The following BRCA1 variants were observed in gnomAD, a reference collection of about 807,000 sequenced individuals.
BRCA1 encodes breast cancer type 1 susceptibility protein.
In BRCA1, 140 loss-of-function variants were observed where a neutral mutation model predicts 173.7. The observed-to-expected ratio is 0.81, with a 90% CI of 0.70 to 0.93. The LOEUF is 0.93. Ranked by LOEUF, BRCA1 falls within the 40% of genes least tolerant of loss-of-function variation. BRCA1 has a pLI of 0.00. For missense variants in BRCA1, 1,983 were observed against 2,172.5 expected, an observed-to-expected ratio of 0.91 and a Z score of 1.73; for synonymous variants, 662 against 756.0, an observed-to-expected ratio of 0.88 and a Z score of 2.04.
At chr17:43,047,509 G>T (rs1429188585) in intron 22 of BRCA1, 134 bp downstream of exon 22, 24 of 915,548 alleles carry the variant, frequency 2.6e-5, no homozygotes, top group Middle Eastern at 2.1e-4. Context: ...ACATCAAAAA[G>T]ACATTTTAGC....
At chr17:43,051,797 C>T (rs1482663500) in intron 19 of BRCA1, among the ~76,000 whole-genome samples, 4 of 152,000 alleles carry the variant, frequency 2.6e-5, no homozygotes, top group Admixed American at 6.6e-5. Context: ...CCACCACGCC[C>T]GGCTAATTTT....
intron 12 of BRCA1, chr17:43,079,826 A>C (rs1168700621): frequency 3.2e-5 from 23 of 717,860 alleles, no homozygotes; most frequent in Non-Finnish European, 1.5e-5. Flanking sequence ...TGTAAAAAAA[A>C]AGAAAAGTCA....
intron 17 of BRCA1, 139 bp from the exon 18 acceptor site, chr17:43,063,512 T>G: frequency 1.4e-6 from 1 of 738,682 alleles, no homozygotes; most frequent in Non-Finnish European, 2.4e-6. Flanking sequence ...GCCACAGCCC[T>G]TTAATAAGGC....
At position 43,093,119 on chromosome 17, in the gene BRCA1, C is replaced by T. The variant is rs55746541; in HGVS notation, c.2412G>A (p.Gln804=). ...CCTTGGGGTTTTCAAATGCTGCACA[C>T]TGACTCACACATTTATTTGGTTCTG... ...AKTEPNKCVS[Q]CAAFENPKGL... Residue 804 remains glutamine, a synonymous_variant, in exon 10 of 23, where the codon CAG becomes CAA. Transcript: ENST00000357654. 2 of 1,613,604 alleles carry T rather than the reference C, an allele frequency of 1.2e-6. No homozygotes were observed. Among genetic ancestry groups the T allele is most frequent in the Non-Finnish European group, 1.7e-6 (2 of 1,179,908 alleles).
At position 43,091,631 on chromosome 17, in the gene BRCA1, G is replaced by A. The variant is rs730881454; in HGVS notation, c.3900C>T (p.Cys1300=). 3 of 1,614,052 alleles carry A rather than the reference G, an allele frequency of 1.9e-6. No homozygotes were observed. The highest frequency in any genetic ancestry group is 2.5e-6 in the Non-Finnish European group (3 of 1,180,032). ...TTGCAGTCAAGTCTTCCAATTCACT[G>A]CACTGTGAAGAAAACAAGCTAGCAG... ...KCSASLFSSQ[C]SELEDLTANT... Residue 1300 remains cysteine (C), a synonymous_variant, in exon 10 of 23, where the codon TGC becomes TGT. Coordinates refer to ENST00000357654, the MANE Select transcript of BRCA1 (RefSeq NM_007294.4).
intron 1 of BRCA1, chr17:43,144,169 G>A: frequency 4.5e-6 from 1 of 224,570 alleles, no homozygotes; most frequent in South Asian, 4.4e-5. Flanking sequence ...GTTGCAGTGA[G>A]CCGAGATTGC....
chr17:43,167,335 A>G (rs1485555272), intron 1 of BRCA1: 1 of 152,208 alleles, frequency 6.6e-6, no homozygotes, highest in Non-Finnish European at 1.5e-5. Flanking sequence ...CGGTCTCAAG[A>G]GCCAAGCTCC....
At chr17:43,139,890 C>T (rs758026669) in intron 1 of BRCA1, 1 of 473,948 alleles carries the variant, frequency 2.1e-6, no homozygotes, top group Non-Finnish European at 4.4e-6. Flanking sequence ...TTTATGATTG[C>T]ACATCTTTTG....
chr17:43,127,211 C>T (rs983083781), upstream of BRCA1, among the ~76,000 whole-genome samples: 1 of 152,220 alleles, frequency 6.6e-6, no homozygotes, highest in Non-Finnish European at 1.5e-5. Context: ...AGTGCAGGCG[C>T]CCGGCACAGC....
intron 2 of BRCA1, among the ~76,000 whole-genome samples, 196 bp downstream of exon 2, chr17:43,123,821 G>T (rs189216545): frequency 6.6e-6 from 1 of 152,302 alleles, no homozygotes; most frequent in African/African-American, 2.4e-5. Context: ...AGAGGAGTGG[G>T]AGAGGCAGAG....
chr17:43,061,908 T>C (rs555491898), intron 18 of BRCA1, among the ~76,000 whole-genome samples: 20 of 152,246 alleles, frequency 1.3e-4, no homozygotes, highest in East Asian at 9.6e-4. Flanking sequence ...TCACATTTCA[T>C]TTTGCCTGAT....
At position 43,066,089 on chromosome 17, in the gene BRCA1, G is replaced by A. The variant is rs201957007; in HGVS notation, c.5074+1519C>T. On this transcript the variant is annotated intron_variant, in intron 16 of 22. Transcript: ENST00000357654. ...GAGAATACAGTGGGGCTCTGGATCTGTACTTCACTTGCTCCAGAGCCTCTG... is the reference window on the plus strand; with the variant it reads ...GAGAATACAGTGGGGCTCTGGATCTATACTTCACTTGCTCCAGAGCCTCTG... Among the ~76,000 whole-genome samples the A allele has an allele frequency of 9.8e-5, 15 of 152,296 alleles. No individual in the cohort carries two copies. The East Asian group carries it at 2.9e-3, about 29-fold the overall frequency.
intron 3 of BRCA1, among the ~76,000 whole-genome samples, chr17:43,111,307 G>A (rs2055024038): frequency 2.6e-5 from 4 of 151,942 alleles, no homozygotes; most frequent in African/African-American, 7.3e-5. Context: ...ATCACCTGAG[G>A]TCAGGAGTTT....
intron 5 of BRCA1, among the ~76,000 whole-genome samples, chr17:43,104,485 C>T (rs1304364417): frequency 1.3e-5 from 2 of 152,062 alleles, no homozygotes; most frequent in African/African-American, 4.8e-5. Flanking sequence ...TATTTAGAGT[C>T]CTTGTTTTCT....
chr17:43,149,237 T>G (rs1165824448), intron 1 of BRCA1, among the ~76,000 whole-genome samples: 1 of 150,030 alleles, frequency 6.7e-6, no homozygotes, highest in Non-Finnish European at 1.5e-5. Flanking sequence ...TAGCTGGGAT[T>G]ACAGGTGCCC....
chr17:43,095,217 A>G (rs2054083156), intron 9 of BRCA1, among the ~76,000 whole-genome samples: 1 of 152,168 alleles, frequency 6.6e-6, no homozygotes, highest in South Asian at 2.1e-4. Context: ...ACTCTGTTCT[A>G]TCTACAGACT....
At chr17:43,060,543 G>A (rs936366877) in intron 18 of BRCA1, among the ~76,000 whole-genome samples, 1 of 151,918 alleles carries the variant, frequency 6.6e-6, no homozygotes, top group Non-Finnish European at 1.5e-5. Context: ...TCAGGCTGGA[G>A]TGCAGTGATG....
chr17:43,056,660 G>A (rs1243548803), intron 19 of BRCA1, among the ~76,000 whole-genome samples: 2 of 151,056 alleles, frequency 1.3e-5, no homozygotes, highest in East Asian at 1.9e-4. Flanking sequence ...GCAATGGAGT[G>A]AGACTCCGTC....
Position 43,079,883 on chromosome 17 carries a change from A to G in BRCA1, c.4357+2521T>C, listed in dbSNP as rs1182180250. 4.6e-6 allele frequency: 3 copies of G among 651,588 alleles called. No individual in the cohort carries two copies. The Admixed American group carries it at 8.3e-5, about 18-fold the overall frequency. 40.4% of individuals were successfully genotyped at this position (651,588 alleles called of 1,614,324 possible). On this transcript the variant is annotated intron_variant, in intron 12 of 22. Transcript: ENST00000357654. ...CATATAAATTCCTCTTCTTACTACAATGGGCCTCATGCAATGAAGCAAATA... is the reference window on the plus strand; with the variant it reads ...CATATAAATTCCTCTTCTTACTACAGTGGGCCTCATGCAATGAAGCAAATA...
Sources: gnomAD v4.1 joint callset for allele counts (sites outside exome capture counted in the v4.1 genomes callset) on GRCh38, gnomAD v4.1.1 for gene constraint, MANE v1.5 for transcripts, NCBI Gene and HGNC (gene_info 2026-07-23, HGNC 2026-07-21) for gene names.